Variants in EPHB1 observed in about 807,000 individuals in gnomAD.
EPHB1 encodes EPH receptor B1.
In EPHB1, 30 loss-of-function variants were observed where a neutral mutation model predicts 94.4. That is an observed-to-expected ratio of 0.32 (90% CI 0.24 to 0.43). The LOEUF (loss-of-function observed/expected upper bound fraction) is 0.43, where lower values mean the gene tolerates loss of function less well. Ranked by LOEUF, EPHB1 falls within the 20% of genes least tolerant of loss-of-function variation. The pLI, the probability that EPHB1 is intolerant of heterozygous loss-of-function variation, is 1.00. For synonymous variants in EPHB1, 522 were observed against 489.1 expected (o/e 1.07, Z -0.89); for missense variants, 1,055 against 1,308.3 (o/e 0.81, Z 2.99).
intron 4 of EPHB1, among the ~76,000 whole-genome samples, chr3:135,109,772 C>T (rs1327022397): frequency 6.6e-6 from 1 of 152,242 alleles, no homozygotes; most frequent in African/African-American, 2.4e-5. Flanking sequence ...TTCTGAGAAG[C>T]TGCCGAGCTC....
chr3:134,854,381 G>A (rs13078906), intron 1 of EPHB1, among the ~76,000 whole-genome samples: 55,364 of 151,894 alleles, frequency 0.36, 10,364 homozygotes, highest in South Asian at 0.52. Context: ...CTCTCCCTCT[G>A]GATTAAGTCA....
At chr3:135,118,498 A>C (rs1042604934) in intron 4 of EPHB1, among the ~76,000 whole-genome samples, 2 of 152,210 alleles carry the variant, frequency 1.3e-5, no homozygotes, top group African/African-American at 4.8e-5. Flanking sequence ...GACTTGCCCG[A>C]GTTTCCACCT....
At chr3:135,057,043 A>G (rs1937369838) in intron 3 of EPHB1, among the ~76,000 whole-genome samples, 1 of 151,940 alleles carries the variant, frequency 6.6e-6, no homozygotes, top group African/African-American at 2.4e-5. Context: ...CCCCCTAATA[A>G]ATTTGTTGCT....
chr3:135,166,124 C>T (rs747946619), intron 8 of EPHB1, 48 bp downstream of exon 8: 1 of 1,436,068 alleles, frequency 7.0e-7, no homozygotes, highest in Non-Finnish European at 9.8e-7. Flanking sequence ...GGAAGCCCCT[C>T]TCCATGTGCC....
At chr3:135,167,398 C>A (rs868434722) in intron 9 of EPHB1, among the ~76,000 whole-genome samples, 1 of 152,058 alleles carries the variant, frequency 6.6e-6, no homozygotes, top group African/African-American at 2.4e-5. Context: ...ATTTGTTAAC[C>A]AAATTCACAG....
chr3:134,877,254 G>A (rs1173009403), intron 1 of EPHB1, among the ~76,000 whole-genome samples: 1 of 152,204 alleles, frequency 6.6e-6, no homozygotes, highest in Non-Finnish European at 1.5e-5. Flanking sequence ...GTCACAGACA[G>A]GACACCTGGA....
intron 4 of EPHB1, among the ~76,000 whole-genome samples, chr3:135,111,663 G>A (rs569482284): frequency 1.3e-5 from 2 of 152,122 alleles, no homozygotes; most frequent in East Asian, 3.9e-4. Flanking sequence ...ACCTGTTCTG[G>A]CTCAATTTCT....
At chr3:135,022,265 C>T (rs1158786286) in intron 3 of EPHB1, among the ~76,000 whole-genome samples, 9 of 152,146 alleles carry the variant, frequency 5.9e-5, no homozygotes, top group South Asian at 4.1e-4. Context: ...CCACCGCGCC[C>T]GGCCTGTTGT....
chr3:135,003,873 T>C (rs1293854803), intron 3 of EPHB1, among the ~76,000 whole-genome samples: 1 of 151,990 alleles, frequency 6.6e-6, no homozygotes, highest in Non-Finnish European at 1.5e-5. Context: ...GAGATGGGTT[T>C]CCTGATACAG....
chr3:135,107,642 A>T (rs559018578), intron 4 of EPHB1, among the ~76,000 whole-genome samples: 1 of 152,164 alleles, frequency 6.6e-6, no homozygotes, highest in Admixed American at 6.5e-5. Context: ...TATTTCATTT[A>T]TACTTTCTGT....
intron 1 of EPHB1, among the ~76,000 whole-genome samples, chr3:134,865,505 C>T (rs2037354568): frequency 6.6e-6 from 1 of 152,056 alleles, no homozygotes; most frequent in African/African-American, 2.4e-5. Flanking sequence ...TACAGATATT[C>T]TTATACTTGT....
intron 1 of EPHB1, among the ~76,000 whole-genome samples, chr3:134,916,150 C>G (rs1403380791): frequency 6.6e-6 from 1 of 151,700 alleles, no homozygotes; most frequent in Non-Finnish European, 1.5e-5. Flanking sequence ...ATTTACAAAC[C>G]CTGAGCCAGA....
chr3:135,115,260 C>A (rs111931968), intron 4 of EPHB1, among the ~76,000 whole-genome samples: 143 of 152,334 alleles, frequency 9.4e-4, no homozygotes, highest in African/African-American at 3.3e-3. Flanking sequence ...TGGTCTCAGG[C>A]AATTGTCTTG....
chr3:135,067,831 G>A (rs1243016472), intron 3 of EPHB1: 5 of 152,230 alleles, frequency 3.3e-5, no homozygotes, highest in African/African-American at 1.2e-4. Context: ...TTTCCTGCTT[G>A]GGGAACCCAG....
At chr3:134,958,258 T>G (rs1933357501) in intron 3 of EPHB1, among the ~76,000 whole-genome samples, 1 of 152,034 alleles carries the variant, frequency 6.6e-6, no homozygotes, top group Non-Finnish European at 1.5e-5. Context: ...TTTGCAGGAT[T>G]TGAAAGTGGA....
At chr3:134,965,944 G>A (rs1303662825) in intron 3 of EPHB1, among the ~76,000 whole-genome samples, 2 of 152,202 alleles carry the variant, frequency 1.3e-5, no homozygotes, top group African/African-American at 4.8e-5. Flanking sequence ...CTTCCCCAGT[G>A]GCCAGGCCTC....
At chr3:135,219,180 C>T (rs1395283866) in intron 12 of EPHB1, among the ~76,000 whole-genome samples, 1 of 151,590 alleles carries the variant, frequency 6.6e-6, no homozygotes, top group Non-Finnish European at 1.5e-5. Context: ...AGGAGGCCTA[C>T]TTGGCTAGTG....
intron 3 of EPHB1, among the ~76,000 whole-genome samples, chr3:135,104,003 G>T (rs1413406562): frequency 6.6e-6 from 1 of 152,218 alleles, no homozygotes; most frequent in Non-Finnish European, 1.5e-5. Context: ...GCTTTTACGT[G>T]CTGGAAAGAA....
intron 12 of EPHB1, among the ~76,000 whole-genome samples, chr3:135,228,654 C>T (rs918247796): frequency 3.3e-5 from 5 of 152,134 alleles, no homozygotes; most frequent in South Asian, 2.1e-4. Context: ...TCTCAACCAA[C>T]GTTTCTCAAC....
Sources: allele counts gnomAD v4.1 joint callset (sites outside exome capture counted in the v4.1 genomes callset), GRCh38; gene constraint gnomAD v4.1.1; transcripts MANE v1.5; gene names NCBI Gene and HGNC (gene_info 2026-07-23, HGNC 2026-07-21).